The following NOL4 variants were observed in gnomAD, a reference collection of about 807,000 sequenced individuals.
NOL4 encodes the protein cancer/testis antigen 125.
NOL4 carries 17 observed loss-of-function variants against 75.9 expected under a neutral mutation model. The observed-to-expected ratio is 0.22, with a 90% CI of 0.15 to 0.34. The LOEUF is 0.34. Ranked by LOEUF, NOL4 falls within the 10% of genes least tolerant of loss-of-function variation. The pLI is 1.00. For synonymous variants in NOL4, 292 were observed against 289.9 expected (o/e 1.01, Z -0.07); for missense variants, 614 against 793.5 (o/e 0.77, Z 2.72).
intron 10 of NOL4, among the ~76,000 whole-genome samples, chr18:33,853,464 T>C (rs2062708278): frequency 6.6e-6 from 1 of 152,102 alleles, no homozygotes; most frequent in African/African-American, 2.4e-5. Flanking sequence ...AAAAAAACTG[T>C]GATGCTAATG....
At chr18:34,101,477 C>T (rs1568341981) in intron 4 of NOL4, among the ~76,000 whole-genome samples, 1 of 152,116 alleles carries the variant, frequency 6.6e-6, no homozygotes, top group Non-Finnish European at 1.5e-5. Context: ...ACTTAAGGTC[C>T]TCACAAAGGA....
At chr18:33,983,891 A>G (rs2072206409) in intron 6 of NOL4, among the ~76,000 whole-genome samples, 1 of 152,256 alleles carries the variant, frequency 6.6e-6, no homozygotes, top group African/African-American at 2.4e-5. Flanking sequence ...AATTTTAAGT[A>G]GTACTAATTA....
intron 9 of NOL4, among the ~76,000 whole-genome samples, chr18:33,894,598 G>T (rs1380684197): frequency 6.6e-6 from 1 of 152,092 alleles, no homozygotes; most frequent in African/African-American, 2.4e-5. Context: ...TCTGACTTGA[G>T]AAGCCAAAGT....
At chr18:34,124,317 A>T (rs561087784) in intron 2 of NOL4, among the ~76,000 whole-genome samples, 51 of 152,230 alleles carry the variant, frequency 3.4e-4, no homozygotes, top group Admixed American at 7.2e-4. Flanking sequence ...GAAGTGAAAG[A>T]GACTCAAACA....
At chr18:33,877,971 G>A (rs1242826318) in intron 10 of NOL4, among the ~76,000 whole-genome samples, 1 of 151,978 alleles carries the variant, frequency 6.6e-6, no homozygotes, top group Non-Finnish European at 1.5e-5. Flanking sequence ...AGGAGAGAGT[G>A]GGGGAGAAGC....
At chr18:34,217,284 T>A (rs2036960870) in intron 1 of NOL4, among the ~76,000 whole-genome samples, 1 of 152,012 alleles carries the variant, frequency 6.6e-6, no homozygotes, top group Non-Finnish European at 1.5e-5. Flanking sequence ...TTCTTTTTTT[T>A]TATTTATTTA....
At chr18:34,095,859 T>C (rs750080654) in intron 4 of NOL4, among the ~76,000 whole-genome samples, 4 of 152,098 alleles carry the variant, frequency 2.6e-5, no homozygotes, top group Non-Finnish European at 5.9e-5. Context: ...ATATAAACAG[T>C]CTTTATAAGT....
At chr18:34,129,486 T>C (rs1200525856) in intron 2 of NOL4, among the ~76,000 whole-genome samples, 1 of 151,730 alleles carries the variant, frequency 6.6e-6, no homozygotes, top group Non-Finnish European at 1.5e-5. Context: ...TATGATTTGA[T>C]GGAAAATAAT....
intron 2 of NOL4, among the ~76,000 whole-genome samples, chr18:34,105,802 C>A (rs1416421556): frequency 6.6e-6 from 1 of 151,976 alleles, no homozygotes; most frequent in African/African-American, 2.4e-5. Context: ...CACTGACTGT[C>A]AGAGCAAGCC....
At chr18:33,930,429 C>T (rs767013809) in intron 9 of NOL4, among the ~76,000 whole-genome samples, 4 of 152,140 alleles carry the variant, frequency 2.6e-5, no homozygotes, top group South Asian at 2.1e-4. Context: ...CACCACTTTG[C>T]GATCATGAAT....
Position 33,965,873 on chromosome 18 carries a change from G to A in NOL4, c.1057-7455C>T, listed in dbSNP as rs2070540964. On this transcript the variant is annotated intron_variant, in intron 6 of 10. Transcript: ENST00000261592. ...TGGACTAATACTCCCTGTCTCTTAA[G>A]AGAAATTAAAATACTACAGAAAAAA... Among the ~76,000 whole-genome samples, 4 of 152,136 alleles carry A rather than the reference G, an allele frequency of 2.6e-5. No homozygotes were observed. The South Asian group carries it at 8.3e-4, about 32-fold the overall frequency.
intron 5 of NOL4, among the ~76,000 whole-genome samples, chr18:34,071,026 T>C (rs1474723159): frequency 6.6e-6 from 1 of 152,164 alleles, no homozygotes; most frequent in Non-Finnish European, 1.5e-5. Context: ...AGTTCTGGTG[T>C]TCTATAGCAT....
chr18:34,138,752 G>A (rs990285466), intron 1 of NOL4, among the ~76,000 whole-genome samples: 2 of 152,122 alleles, frequency 1.3e-5, no homozygotes, highest in Non-Finnish European at 2.9e-5. Context: ...CCTGTCTTGT[G>A]CCAGTTTTCA....
intron 1 of NOL4, among the ~76,000 whole-genome samples, chr18:34,160,439 T>C (rs899466758): frequency 1.3e-5 from 2 of 152,136 alleles, no homozygotes; most frequent in Non-Finnish European, 2.9e-5. Context: ...TTATATATAT[T>C]ATATACTTGA....
chr18:34,128,870 T>C (rs1308721902), intron 2 of NOL4: 1 of 982,218 alleles, frequency 1.0e-6, no homozygotes, highest in Non-Finnish European at 1.2e-6. Context: ...ACTTTGAGCA[T>C]TTCACACATT....
intron 9 of NOL4, among the ~76,000 whole-genome samples, chr18:33,934,629 T>C (rs1370481041): frequency 6.6e-6 from 1 of 152,166 alleles, no homozygotes; most frequent in Non-Finnish European, 1.5e-5. Flanking sequence ...GCCACTTTCC[T>C]TAAATCTCAT....
intron 2 of NOL4, among the ~76,000 whole-genome samples, chr18:34,117,728 T>C (rs528306055): frequency 6.6e-6 from 1 of 152,314 alleles, no homozygotes; most frequent in South Asian, 2.1e-4. Flanking sequence ...TGGACTTCCA[T>C]TTTTAATAGA....
At position 34,051,933 on chromosome 18, in the gene NOL4, T is replaced by C. The variant is rs558564084; in HGVS notation, c.773-32332A>G. The stretch of plus-strand genomic sequence containing the variant: ...TTTAAAAAGATACATTTAATGCAAA[T>C]TGATAAGGGCCATAAAAGAGCCACA... On this transcript the variant is annotated intron_variant, in intron 5 of 10. Coordinates refer to ENST00000261592, the MANE Select transcript of NOL4 (RefSeq NM_003787.5). 9.9e-5 allele frequency among the ~76,000 whole-genome samples: 15 copies of C among 151,852 alleles called. No homozygotes were observed. In the East Asian group the frequency reaches 2.1e-3, roughly 22 times the overall value.
rs150532051 is a variant in NOL4 at position 33,901,911 on chromosome 18, G to A, written c.1543-18487C>T. On this transcript the variant is annotated intron_variant, in intron 9 of 10. Coordinates refer to ENST00000261592, the MANE Select transcript of NOL4 (RefSeq NM_003787.5). ...AGGAACCAGTAAGTAGAAGACAGAA[G>A]TATGAAGAAGGCTATGAATATGAAG... Among the ~76,000 whole-genome samples the A allele has an allele frequency of 1.1e-3, 164 of 152,146 alleles. 1 individual carries two copies. Among genetic ancestry groups the A allele is most frequent in the Non-Finnish European group, 1.7e-3 (117 of 67,956 alleles).
Sources: allele counts gnomAD v4.1 joint callset (sites outside exome capture counted in the v4.1 genomes callset), GRCh38; gene constraint gnomAD v4.1.1; transcripts MANE v1.5; gene names NCBI Gene and HGNC (gene_info 2026-07-23, HGNC 2026-07-21).